The following ZBTB8A variants were observed in gnomAD, a reference collection of about 807,000 sequenced individuals.
The protein encoded by ZBTB8A is zinc finger and BTB domain containing 8A.
Under a neutral mutation model 37.8 loss-of-function variants are expected in ZBTB8A, and 19 were observed. The observed-to-expected ratio is 0.50, with a 90% CI of 0.35 to 0.74. The LOEUF is 0.74. Among genes scored for constraint, ZBTB8A ranks in the 30% least tolerant of loss-of-function variants. The pLI is 0.01. For synonymous variants in ZBTB8A, 181 were observed against 185.2 expected (o/e 0.98, Z 0.19); for missense variants, 394 against 537.8 (o/e 0.73, Z 2.65).
intron 1 of ZBTB8A, among the ~76,000 whole-genome samples, chr1:32,547,200 G>A (rs12131682): frequency 0.11 from 17,365 of 151,276 alleles, 1,096 homozygotes; most frequent in African/African-American, 0.18. Flanking sequence ...TACCATGCCC[G>A]GCTGGGGGAA....
In ZBTB8A at chr1:32,593,281, T is replaced by C; in HGVS notation, c.350T>C (p.Phe117Ser). 1 of 1,614,164 alleles carries C rather than the reference T, an allele frequency of 6.2e-7. No homozygotes were observed. Among genetic ancestry groups the C allele is most frequent in the Non-Finnish European group, 8.5e-7 (1 of 1,180,038 alleles). ...MTDVISVCKT[F>S]IKSSLDISEK... ...GATGTCATAAGTGTATGTAAGACTT[T>C]TATTAAATCTTCCTTAGACATTAGT... is the stretch of plus-strand genomic sequence containing the variant. The change falls in exon 3 of 5, where the codon TTT (phenylalanine) becomes TCT (serine). Residue 117 changes from phenylalanine to serine, a missense_variant. By Grantham distance (155) the Phe-to-Ser change is radical. Around this residue, in one of 4 missense-constraint regions of ZBTB8A, gnomAD observed 96 missense variants for 165.6 expected, o/e 0.58. Coordinates refer to ENST00000373510, the MANE Select transcript of ZBTB8A (RefSeq NM_001040441.3).
intron 2 of ZBTB8A, 101 bp downstream of exon 2, chr1:32,553,641 C>T (rs1401912795): frequency 1.3e-5 from 2 of 151,990 alleles, no homozygotes; most frequent in African/African-American, 4.8e-5. Flanking sequence ...AATCCCAGCA[C>T]TTTGGGAGGT....
chr1:32,543,418 A>AT (rs1644074058), intron 1 of ZBTB8A, among the ~76,000 whole-genome samples: 1 of 151,928 alleles, frequency 6.6e-6, no homozygotes, highest in East Asian at 1.9e-4. Flanking sequence ...AAATTTACCC[A>AT]TTTTAAAGTG....
rs191928212 is a variant in ZBTB8A, at chr1:32,552,096, G to C, written c.-83-1363G>C. Among the ~76,000 whole-genome samples the C allele has an allele frequency of 2.6e-5, 4 of 152,210 alleles. No homozygotes were observed. In the East Asian group the frequency reaches 7.7e-4, roughly 29 times the overall value. ...AAGTATGTTTGGTCCAGGGACAGTG[G>C]CTCATGCCTATAATTTCAGCACTTT... is the stretch of plus-strand genomic sequence containing the variant. On this transcript the variant is annotated intron_variant, in intron 1 of 4. Transcript: ENST00000373510.
intron 2 of ZBTB8A, among the ~76,000 whole-genome samples, chr1:32,556,763 G>T (rs1410396955): frequency 6.6e-6 from 1 of 151,978 alleles, no homozygotes; most frequent in African/African-American, 2.4e-5. Flanking sequence ...TCTAGTCCCA[G>T]CTACTCGGGA....
At chr1:32,585,301 A>G (rs1477970764) in intron 2 of ZBTB8A, among the ~76,000 whole-genome samples, 2 of 152,016 alleles carry the variant, frequency 1.3e-5, no homozygotes, top group African/African-American at 4.8e-5. Flanking sequence ...GGTGTGAGCT[A>G]TAGCACCTGG....
intron 1 of ZBTB8A, among the ~76,000 whole-genome samples, chr1:32,546,986 C>T (rs761470705): frequency 1.6e-4 from 25 of 151,984 alleles, no homozygotes; most frequent in Non-Finnish European, 2.6e-4. Flanking sequence ...ACTGCAGCCT[C>T]AGCCTCTCAG....
rs1455027827 is a variant in ZBTB8A at position 32,603,609 on chromosome 1, A to G, written c.*3190A>G. ...TTCCTATAAATGAAGTAGTGCTTGC[A>G]TGTGTGTACTCTAATGCACTTTAGT... On this transcript the variant is annotated 3_prime_UTR_variant, in exon 5 of 5. Coordinates refer to ENST00000373510, the MANE Select transcript of ZBTB8A (RefSeq NM_001040441.3). The G allele has an allele frequency of 2.0e-5, 3 of 152,654 alleles. No homozygotes were observed. Among genetic ancestry groups the G allele is most frequent in the Admixed American group, 6.5e-5 (1 of 15,280 alleles). The allele number at this position is 152,654 out of a possible 1,614,324, so 9.5% of individuals were successfully genotyped here.
At chr1:32,572,802 T>C (rs1055375659) in intron 2 of ZBTB8A, among the ~76,000 whole-genome samples, 3 of 152,150 alleles carry the variant, frequency 2.0e-5, no homozygotes, top group African/African-American at 7.2e-5. Context: ...TTTTATTCTT[T>C]CAATGTTTGT....
rs1644064352 is a variant in ZBTB8A at position 32,542,495 on chromosome 1, A to G, written c.-84+2923A>G. 2.6e-5 allele frequency among the ~76,000 whole-genome samples: 4 copies of G among 152,288 alleles called. No individual in the cohort carries two copies. In the South Asian group the frequency reaches 8.3e-4, roughly 32 times the overall value. On this transcript the variant is annotated intron_variant, in intron 1 of 4. Transcript: ENST00000373510. Reference sequence around the variant, plus strand: ...AGGCTGAAGCAGGAGAATCACTTGAACCTGGGAGGCAGAGGTTGCAGTAAA... The same window carrying G: ...AGGCTGAAGCAGGAGAATCACTTGAGCCTGGGAGGCAGAGGTTGCAGTAAA...
rs941469185 is a variant in ZBTB8A, at chr1:32,603,789, T to C, written c.*3370T>C. ...TTCTCATAATTGTTTATAACGAGCA[T>C]CAAACTATCCCCACAAAATGATCAA... is the stretch of plus-strand genomic sequence containing the variant. On this transcript the variant is annotated 3_prime_UTR_variant, in exon 5 of 5. Transcript: ENST00000373510. 1 of 152,638 alleles carries C rather than the reference T, an allele frequency of 6.6e-6. No individual in the cohort carries two copies. Among genetic ancestry groups the C allele is most frequent in the Non-Finnish European group, 1.5e-5 (1 of 68,038 alleles). 9.5% of individuals were successfully genotyped at this position (152,638 alleles called of 1,614,324 possible).
intron 2 of ZBTB8A, among the ~76,000 whole-genome samples, chr1:32,561,530 G>A (rs1043281814): frequency 6.6e-6 from 1 of 151,956 alleles, no homozygotes; most frequent in African/African-American, 2.4e-5. Context: ...CTGTCTTCAC[G>A]TGGTGCTCTT....
At chr1:32,574,396 G>A (rs1644345182) in intron 2 of ZBTB8A, among the ~76,000 whole-genome samples, 1 of 151,926 alleles carries the variant, frequency 6.6e-6, no homozygotes, top group African/African-American at 2.4e-5. Flanking sequence ...AGGAGTTTGA[G>A]ACCAGCCTGG....
intron 1 of ZBTB8A, among the ~76,000 whole-genome samples, chr1:32,550,825 C>T (rs1362271604): frequency 6.6e-6 from 1 of 151,566 alleles, no homozygotes; most frequent in Non-Finnish European, 1.5e-5. Flanking sequence ...GGTGTGGTGG[C>T]AGGCTCCTGC....
chr1:32,544,091 C>G (rs1644081680), intron 1 of ZBTB8A, among the ~76,000 whole-genome samples: 1 of 152,236 alleles, frequency 6.6e-6, no homozygotes, highest in African/African-American at 2.4e-5. Flanking sequence ...GCCTCAGTCT[C>G]CCAAGTAGCT....
At chr1:32,549,314 T>C (rs1644132095) in intron 1 of ZBTB8A, among the ~76,000 whole-genome samples, 1 of 152,018 alleles carries the variant, frequency 6.6e-6, no homozygotes, top group Non-Finnish European at 1.5e-5. Context: ...GTCAACATGG[T>C]GAAACCCTGT....
chr1:32,579,090 C>A (rs897442986), intron 2 of ZBTB8A, among the ~76,000 whole-genome samples: 1 of 152,030 alleles, frequency 6.6e-6, no homozygotes, highest in African/African-American at 2.4e-5. Flanking sequence ...ATTACTCTTC[C>A]AGGGTCTCTA....
chr1:32,564,604 C>G (rs1186210230), intron 2 of ZBTB8A, among the ~76,000 whole-genome samples: 1 of 152,056 alleles, frequency 6.6e-6, no homozygotes, highest in African/African-American at 2.4e-5. Flanking sequence ...CTCTCTGTCT[C>G]TAATCTTTCA....
rs995408709 is a variant in ZBTB8A at position 32,545,093 on chromosome 1, C to T, written c.-84+5521C>T. On this transcript the variant is annotated intron_variant, in intron 1 of 4. Coordinates refer to ENST00000373510, the MANE Select transcript of ZBTB8A (RefSeq NM_001040441.3). ...GAACTCCCAGACTGTTTTCCAAAGT[C>T]GCTGTACCATTTTATATTTCCACCA... Among the ~76,000 whole-genome samples the T allele has an allele frequency of 2.6e-5, 4 of 152,240 alleles. No individual in the cohort carries two copies. The East Asian group carries it at 5.8e-4, about 22-fold the overall frequency.
Sources: allele counts gnomAD v4.1 joint callset (sites outside exome capture counted in the v4.1 genomes callset), GRCh38; gene constraint gnomAD v4.1.1; regional missense constraint gnomAD v4.1.1; transcripts MANE v1.5; gene names NCBI Gene and HGNC (gene_info 2026-07-23, HGNC 2026-07-21).